SPMIP11: variants seen among roughly 807,000 people sequenced by gnomAD.
SPMIP11 encodes long intergenic non-protein coding RNA 935.
the SPMIP11 span, chr12:48,759,280 A>C: frequency 4.3e-6 from 3 of 702,908 alleles, no homozygotes; most frequent in African/African-American, 3.5e-5. Context: ...CGTGCACCAG[A>C]ATAGCCACAC....
At chr12:48,770,390 T>C in the SPMIP11 span, among the ~76,000 whole-genome samples, 1 of 152,084 alleles carries the variant, frequency 6.6e-6, no homozygotes, top group African/African-American at 2.4e-5. Context: ...ACCAGTTCAT[T>C]TGAGAGGAAA....
At chr12:48,747,828 C>T in the SPMIP11 span, among the ~76,000 whole-genome samples, 3 of 152,202 alleles carry the variant, frequency 2.0e-5, no homozygotes, top group African/African-American at 7.2e-5. Flanking sequence ...CTGTGAGACA[C>T]ATAGGCTGAC....
At chr12:48,744,321 G>A in the SPMIP11 span, among the ~76,000 whole-genome samples, 53 of 151,698 alleles carry the variant, frequency 3.5e-4, no homozygotes, top group South Asian at 8.3e-3. Flanking sequence ...CATGAGAATC[G>A]CTTGAAACCA....
chr12:48,769,224 A>G, the SPMIP11 span, among the ~76,000 whole-genome samples: 1 of 152,042 alleles, frequency 6.6e-6, no homozygotes, highest in Non-Finnish European at 1.5e-5. Context: ...CCTGGCCAAC[A>G]TGGTGAAACC....
chr12:48,742,625 T>C, the SPMIP11 span, among the ~76,000 whole-genome samples: 1 of 152,046 alleles, frequency 6.6e-6, no homozygotes, highest in South Asian at 2.1e-4. Flanking sequence ...GGCTCACACC[T>C]GTAATCTCAG....
chr12:48,728,048 CA>C, the SPMIP11 span, among the ~76,000 whole-genome samples: 85,435 of 143,642 alleles, frequency 0.59, 24,803 homozygotes, highest in East Asian at 0.76. Context: ...GAAACCATCT[CA>C]AAAAAAAAAA....
chr12:48,734,943 T>C, the SPMIP11 span, among the ~76,000 whole-genome samples: 1 of 139,666 alleles, frequency 7.2e-6, no homozygotes, highest in Non-Finnish European at 1.5e-5. Context: ...AGGCAGAGCT[T>C]GCAGTGAGCC....
At chr12:48,765,682 T>C in the SPMIP11 span, 2 of 702,602 alleles carry the variant, frequency 2.8e-6, no homozygotes, top group East Asian at 2.7e-5. Flanking sequence ...AAAGACAAGA[T>C]GAATTGTGGC....
At chr12:48,744,870 A>G in the SPMIP11 span, among the ~76,000 whole-genome samples, 1 of 152,138 alleles carries the variant, frequency 6.6e-6, no homozygotes, top group Non-Finnish European at 1.5e-5. Flanking sequence ...AAAGGAAAAG[A>G]AAAGAAAGAA....
the SPMIP11 span, among the ~76,000 whole-genome samples, chr12:48,742,944 C>A: frequency 6.6e-6 from 1 of 151,946 alleles, no homozygotes; most frequent in African/African-American, 2.4e-5. Flanking sequence ...CACACATATT[C>A]CATCAGTTCA....
chr12:48,727,568 A>G, the SPMIP11 span: 1 of 702,866 alleles, frequency 1.4e-6, no homozygotes, highest in Non-Finnish European at 2.6e-6. Flanking sequence ...AAGTAAGGGG[A>G]ATATAGGGTA....
the SPMIP11 span, chr12:48,771,169 C>G: frequency 1.7e-6 from 1 of 600,250 alleles, no homozygotes; most frequent in South Asian, 2.0e-5. The surrounding 1 kb of genome is among the most constrained non-coding windows in gnomAD (Gnocchi z 4.3). Flanking sequence ...CTTGGGCATA[C>G]AGCTTCAGAA....
the SPMIP11 span, among the ~76,000 whole-genome samples, chr12:48,730,109 C>T: frequency 6.6e-6 from 1 of 152,112 alleles, no homozygotes; most frequent in Admixed American, 6.6e-5. Flanking sequence ...ACTGAGTGTA[C>T]AGCCGACCAA....
the SPMIP11 span, chr12:48,770,945 T>G: frequency 3.1e-6 from 5 of 1,614,040 alleles, no homozygotes; most frequent in South Asian, 5.5e-5. Context: ...CTTTTCCAGC[T>G]GCCGGAACCG....
At chr12:48,739,286 C>T in the SPMIP11 span, among the ~76,000 whole-genome samples, 1 of 152,144 alleles carries the variant, frequency 6.6e-6, no homozygotes, top group Non-Finnish European at 1.5e-5. Flanking sequence ...CCAGAGCTTT[C>T]CTCTGGCTCT....
the SPMIP11 span, among the ~76,000 whole-genome samples, chr12:48,743,717 G>A: frequency 6.6e-6 from 1 of 151,676 alleles, no homozygotes; most frequent in Admixed American, 6.6e-5. Flanking sequence ...CAAGGCGGGC[G>A]GATCGCCTGA....
the SPMIP11 span, among the ~76,000 whole-genome samples, chr12:48,745,028 T>C: frequency 6.6e-6 from 1 of 152,082 alleles, no homozygotes; most frequent in African/African-American, 2.4e-5. Context: ...CCCAGCACTT[T>C]GGGAAGCCGA....
At chr12:48,738,588 C>CCA in the SPMIP11 span, among the ~76,000 whole-genome samples, 1 of 150,162 alleles carries the variant, frequency 6.7e-6, no homozygotes, top group Non-Finnish European at 1.5e-5. Flanking sequence ...AGGCTGGAGT[C>CCA]CAGTGGCGCG....
At chr12:48,771,109 T>C in the SPMIP11 span, 8 of 852,634 alleles carry the variant, frequency 9.4e-6, no homozygotes, top group East Asian at 2.1e-4. This position sits in a 1 kb window ranked among gnomAD's most constrained non-coding sequence, Gnocchi z 4.3. Context: ...CTGCTATCAG[T>C]GTAAGACTGA....
Sources: gnomAD v4.1 joint callset for allele counts (sites outside exome capture counted in the v4.1 genomes callset) on GRCh38, gnomAD v4.1.1 for gene constraint, Gnocchi (gnomAD v3.1) non-coding constraint, MANE v1.5 for transcripts, NCBI Gene and HGNC (gene_info 2026-07-23, HGNC 2026-07-21) for gene names.